The following PMS2 variants were observed in gnomAD, a reference collection of about 807,000 sequenced individuals.
PMS2 encodes the protein mismatch repair endonuclease PMS2.
Under a neutral mutation model 90.0 loss-of-function variants are expected in PMS2, and 69 were observed. That is an observed-to-expected ratio of 0.77 (90% confidence interval 0.63 to 0.94). The LOEUF (loss-of-function observed/expected upper bound fraction) is 0.94. Ranked by LOEUF, PMS2 falls within the 40% of genes least tolerant of loss-of-function variation. The probability of loss-of-function intolerance (pLI) is 0.00; values close to 1 mark genes in which losing one functional copy is unlikely to be tolerated. For missense variants in PMS2, 966 were observed against 1,040.2 expected, an observed-to-expected ratio of 0.93 and a Z score of 0.98; for synonymous variants, 332 against 375.1, an observed-to-expected ratio of 0.89 and a Z score of 1.33.
At chr7:5,981,796 A>G (rs371635876) in intron 12 of PMS2, among the ~76,000 whole-genome samples, 7 of 151,764 alleles carry the variant, frequency 4.6e-5, no homozygotes, top group East Asian at 3.8e-4. Flanking sequence ...CATGTGCCTC[A>G]GTTTTATCGC....
chr7:6,004,929 G>A (rs868380490), intron 2 of PMS2, among the ~76,000 whole-genome samples: 2 of 151,690 alleles, frequency 1.3e-5, no homozygotes, highest in Admixed American at 6.6e-5. Context: ...CTTTTGAGAT[G>A]GAGTTTTGCT....
At chr7:5,990,296 C>T (rs1051928587) in intron 9 of PMS2, among the ~76,000 whole-genome samples, 9 of 152,234 alleles carry the variant, frequency 5.9e-5, no homozygotes, top group Non-Finnish European at 1.3e-4. Flanking sequence ...GCGTGAGCCA[C>T]CGCGCCCAGC....
chr7:5,981,096 C>T (rs1273833788), intron 12 of PMS2, among the ~76,000 whole-genome samples: 1 of 151,808 alleles, frequency 6.6e-6, no homozygotes, highest in Non-Finnish European at 1.5e-5. Context: ...TTGCTGAAGA[C>T]AAGACTTTGG....
rs1060503125 is a variant in PMS2, at chr7:5,989,827, T to A, written c.1117A>T (p.Ser373Cys). The A allele has an allele frequency of 6.2e-7, 1 of 1,613,238 alleles. No homozygotes were observed. The highest frequency in any genetic ancestry group is 1.1e-5 in the South Asian group (1 of 91,020). The change falls in exon 10 of 15, where the codon AGT becomes TGT. Residue 373 changes from serine to cysteine, a missense_variant. Physicochemically the swap from Ser to Cys is moderately radical, Grantham distance 112. Around this residue, in one of 2 missense-constraint regions of PMS2, gnomAD observed 871 missense variants for 802.4 expected, o/e 1.09. Transcript: ENST00000265849. ...TCAACATCCAGCAGTGGCTGCTGAC[T>A]GACATTTAGCTTGTTGACATCACTA... The part of the protein sequence containing the change: ...FDSDVNKLNV[S>C]QQPLLDVEGN...
intron 10 of PMS2, among the ~76,000 whole-genome samples, chr7:5,989,088 G>C (rs144951850): frequency 6.6e-6 from 1 of 152,098 alleles, no homozygotes; most frequent in African/African-American, 2.4e-5. Context: ...CTGACCTCGT[G>C]AGCCGCCCGC....
intron 8 of PMS2, among the ~76,000 whole-genome samples, chr7:5,992,629 A>AT (rs1054881796): frequency 3.3e-5 from 5 of 152,100 alleles, no homozygotes; most frequent in Non-Finnish European, 5.9e-5. Context: ...CTAAGGATAC[A>AT]TTTTTTTAAC....
intron 9 of PMS2, among the ~76,000 whole-genome samples, chr7:5,990,870 T>G (rs1384586788): frequency 6.6e-6 from 1 of 151,990 alleles, no homozygotes; most frequent in African/African-American, 2.4e-5. Flanking sequence ...AAAAAATTAG[T>G]CAGGCATGGT....
intron 12 of PMS2, among the ~76,000 whole-genome samples, chr7:5,979,183 CACA>C (rs1782053465): frequency 2.9e-5 from 3 of 103,448 alleles, no homozygotes; most frequent in South Asian, 3.8e-4. Flanking sequence ...GCCTGGGCGA[CACA>C]ACAAGACTCT....
intron 8 of PMS2, among the ~76,000 whole-genome samples, chr7:5,995,050 T>A (rs1016883376): frequency 5.9e-5 from 9 of 151,972 alleles, no homozygotes; most frequent in Admixed American, 2.0e-4. Flanking sequence ...ATATATATAT[T>A]TTTTTGAAAC....
In PMS2 at chr7:5,990,351, T is replaced by C. The variant is rs368239451; in HGVS notation, c.989-396A>G. On this transcript the variant is annotated intron_variant, in intron 9 of 14. Coordinates refer to ENST00000265849, the MANE Select transcript of PMS2 (RefSeq NM_000535.7). The stretch of plus-strand genomic sequence containing the variant: ...AGAAATTTCCCCATCTATTATTTCA[T>C]TCACTTGTATTTATCACAAGTGCTA... Among the ~76,000 whole-genome samples the C allele has an allele frequency of 4.6e-5, 7 of 152,316 alleles. No homozygotes were observed. In the South Asian group the frequency reaches 6.2e-4, roughly 14 times the overall value.
In PMS2 at chr7:6,003,864, T is replaced by C. The variant is rs117831773; in HGVS notation, c.251-72A>G. ...ACAACAAAATATACATGATATCTAGTAACTGGCTTTAAAAAACTGTTTTTG... is the reference window on the plus strand; with the variant it reads ...ACAACAAAATATACATGATATCTAGCAACTGGCTTTAAAAAACTGTTTTTG... On this transcript the variant is annotated intron_variant, in intron 3 of 14. Transcript: ENST00000265849. 0.031 allele frequency: 38,790 copies of C among 1,256,914 alleles called. 804 individuals carry two copies. The highest frequency in any genetic ancestry group is 0.1 in the Middle Eastern group (537 of 5,316). 77.9% of individuals were successfully genotyped at this position (1,256,914 alleles called of 1,614,324 possible).
At chr7:5,985,557 CTTTT>C (rs898216216) in intron 11 of PMS2, among the ~76,000 whole-genome samples, 1 of 115,790 alleles carries the variant, frequency 8.6e-6, no homozygotes, top group Admixed American at 8.8e-5. Context: ...TTTTCTTTTT[CTTTT>C]TTTTTTTTTT....
At chr7:5,990,400 T>C (rs1236411442) in intron 9 of PMS2, among the ~76,000 whole-genome samples, 2 of 152,194 alleles carry the variant, frequency 1.3e-5, no homozygotes, top group Admixed American at 1.3e-4. Flanking sequence ...AGTGTCCAGG[T>C]TAAGATTCAT....
chr7:5,998,658 C>T (rs1784711605), intron 6 of PMS2, among the ~76,000 whole-genome samples: 1 of 148,240 alleles, frequency 6.7e-6, no homozygotes, highest in African/African-American at 2.5e-5. Flanking sequence ...GGCGCCACTG[C>T]ACTCCAACCT....
chr7:5,989,178 C>T (rs545967309), intron 10 of PMS2, among the ~76,000 whole-genome samples: 1 of 152,206 alleles, frequency 6.6e-6, no homozygotes, highest in East Asian at 1.9e-4. Flanking sequence ...GTCAGGAAAT[C>T]CCAGCATTTT....
In PMS2 at chr7:5,997,407, G is replaced by C. The variant is rs1554301523; in HGVS notation, c.722C>G (p.Pro241Arg). The change falls in exon 7 of 15, where the codon CCT (proline) becomes CGT (arginine). Residue 241 changes from proline to arginine, a missense_variant. Physicochemically the swap from Pro to Arg is moderately radical, Grantham distance 103 (BLOSUM62 -2). Around this residue, in one of 2 missense-constraint regions of PMS2, gnomAD observed 871 missense variants for 802.4 expected, o/e 1.09. Coordinates refer to ENST00000265849, the MANE Select transcript of PMS2 (RefSeq NM_000535.7). Reference protein sequence around the residue: ...FGQKQLQSLIPFVQLPPSDSV... With the variant: ...FGQKQLQSLIRFVQLPPSDSV... The stretch of plus-strand genomic sequence containing the variant: ...GTCACTAGGGGGCAGCTGAACAAAA[G>C]GAATGAGGCTTTGCAACTGAAAAAA... The C allele has an allele frequency of 1.3e-6, 2 of 1,581,012 alleles. No homozygotes were observed. Among genetic ancestry groups the C allele is most frequent in the Non-Finnish European group, 1.7e-6 (2 of 1,159,956 alleles).
intron 7 of PMS2, 142 bp from the exon 8 acceptor site, chr7:5,995,775 A>G (rs1784332670): frequency 4.3e-6 from 3 of 698,082 alleles, no homozygotes; most frequent in Non-Finnish European, 7.8e-6. Context: ...GTTCACGGGT[A>G]TCTGTGCTCC....
intron 8 of PMS2, among the ~76,000 whole-genome samples, 193 bp from the exon 9 acceptor site, chr7:5,992,250 C>T (rs538509903): frequency 1.3e-5 from 2 of 151,826 alleles, no homozygotes; most frequent in South Asian, 4.2e-4. Flanking sequence ...TCACTGCAGC[C>T]TCAACCTCCC....
chr7:5,991,702 G>A (rs1193089370), intron 9 of PMS2, among the ~76,000 whole-genome samples: 2 of 151,966 alleles, frequency 1.3e-5, no homozygotes, highest in Admixed American at 6.6e-5. Flanking sequence ...AGCCAGGTGT[G>A]GTGGCACGCA....
Sources: allele counts gnomAD v4.1 joint callset (sites outside exome capture counted in the v4.1 genomes callset), GRCh38; gene constraint gnomAD v4.1.1; regional missense constraint gnomAD v4.1.1; transcripts MANE v1.5; gene names NCBI Gene and HGNC (gene_info 2026-07-23, HGNC 2026-07-21).